KIF26B: variants seen among roughly 807,000 people sequenced by gnomAD.
KIF26B encodes kinesin-like protein KIF26B.
In KIF26B, 63 loss-of-function variants were observed where a neutral mutation model predicts 151.2. That is an observed-to-expected ratio of 0.42 (90% confidence interval 0.34 to 0.51). The LOEUF is 0.51. Among genes scored for constraint, KIF26B ranks in the 20% least tolerant of loss-of-function variants. KIF26B has a pLI of 0.07. For synonymous variants in KIF26B, 1,357 were observed against 1,262.1 expected (o/e 1.08, Z -1.59); for missense variants, 2,813 against 2,913.6 (o/e 0.97, Z 0.79).
chr1:245,341,898 C>T (rs1672341621), intron 2 of KIF26B, among the ~76,000 whole-genome samples: 1 of 152,214 alleles, frequency 6.6e-6, no homozygotes, highest in Non-Finnish European at 1.5e-5. Flanking sequence ...TCCCGTGGCA[C>T]CATCTACGCC....
At chr1:245,337,717 C>T (rs1340375148) in intron 2 of KIF26B, among the ~76,000 whole-genome samples, 2 of 152,034 alleles carry the variant, frequency 1.3e-5, no homozygotes, top group African/African-American at 4.8e-5. Context: ...CACACAAACA[C>T]ACACACAGAG....
At chr1:245,339,228 T>C (rs1672290982) in intron 2 of KIF26B, among the ~76,000 whole-genome samples, 1 of 152,204 alleles carries the variant, frequency 6.6e-6, no homozygotes, top group Non-Finnish European at 1.5e-5. Flanking sequence ...TCCACCTGCC[T>C]CAGCCTCCCA....
chr1:245,299,092 C>T lies in KIF26B; in HGVS notation c.466-67742C>T, dbSNP rs1203614619. On this transcript the variant is annotated intron_variant, in intron 2 of 14. Coordinates refer to ENST00000407071, the MANE Select transcript of KIF26B (RefSeq NM_018012.4). Reference sequence around the variant, plus strand: ...TACTAAACCTGTTTGTGTTCCTAACCCAGCTCGCTGCCTCCCGCCTGCCTT... The same window carrying T: ...TACTAAACCTGTTTGTGTTCCTAACTCAGCTCGCTGCCTCCCGCCTGCCTT... 2.0e-5 allele frequency among the ~76,000 whole-genome samples: 3 copies of T among 152,258 alleles called. No homozygotes were observed. The East Asian group carries it at 5.8e-4, about 29-fold the overall frequency.
intron 4 of KIF26B, among the ~76,000 whole-genome samples, chr1:245,487,951 G>C (rs1427699690): frequency 2.6e-5 from 4 of 152,030 alleles, no homozygotes; most frequent in African/African-American, 7.2e-5. Flanking sequence ...ACCATGCCCA[G>C]CTAATTTTGT....
chr1:245,619,073 A>G (rs1289617406), intron 9 of KIF26B, among the ~76,000 whole-genome samples: 3 of 136,712 alleles, frequency 2.2e-5, no homozygotes, highest in Non-Finnish European at 4.6e-5. Flanking sequence ...AAGCCCTATT[A>G]GACTATAGGT....
intron 2 of KIF26B, among the ~76,000 whole-genome samples, chr1:245,178,527 G>A (rs1049092234): frequency 6.6e-6 from 1 of 152,106 alleles, no homozygotes; most frequent in African/African-American, 2.4e-5. Flanking sequence ...ATGGTTCAGT[G>A]GCTTTAAGTA....
At chr1:245,526,172 C>T (rs1661232161) in intron 4 of KIF26B, among the ~76,000 whole-genome samples, 1 of 152,212 alleles carries the variant, frequency 6.6e-6, no homozygotes, top group Non-Finnish European at 1.5e-5. Flanking sequence ...TTCCTTGCTT[C>T]ACAGCTTTTT....
intron 14 of KIF26B, among the ~76,000 whole-genome samples, chr1:245,700,650 T>C (rs2044757950): frequency 6.6e-6 from 1 of 152,040 alleles, no homozygotes; most frequent in Admixed American, 6.5e-5. Flanking sequence ...AAAATAAAAA[T>C]AAAAAACAGG....
chr1:245,279,216 T>A (rs1168140157), intron 2 of KIF26B, among the ~76,000 whole-genome samples: 1 of 151,766 alleles, frequency 6.6e-6, no homozygotes, highest in Non-Finnish European at 1.5e-5. Flanking sequence ...AGGGAAGGGG[T>A]CTTCTTATCA....
At chr1:245,405,626 T>G (rs1674117756) in intron 3 of KIF26B, among the ~76,000 whole-genome samples, 2 of 149,370 alleles carry the variant, frequency 1.3e-5, no homozygotes, top group Admixed American at 6.7e-5. Context: ...TTGATGTTGT[T>G]TTTTTTTTTT....
rs2147963528 is a variant in KIF26B at position 245,693,400 on chromosome 1, C to T, written c.5824+4593C>T. 2.0e-5 allele frequency among the ~76,000 whole-genome samples: 3 copies of T among 152,326 alleles called. No homozygotes were observed. The Middle Eastern group carries it at 0.01, about 518-fold the overall frequency. On this transcript the variant is annotated intron_variant, in intron 12 of 14. Coordinates refer to ENST00000407071, the MANE Select transcript of KIF26B (RefSeq NM_018012.4). Reference sequence around the variant, plus strand: ...CCCAGCACTGGGCTGGTGCAGGTTACTGTTGGATATTATTGGTTGATTCAT... The same window carrying T: ...CCCAGCACTGGGCTGGTGCAGGTTATTGTTGGATATTATTGGTTGATTCAT...
intron 4 of KIF26B, among the ~76,000 whole-genome samples, chr1:245,478,378 C>T (rs945231222): frequency 2.0e-5 from 3 of 149,992 alleles, no homozygotes; most frequent in African/African-American, 7.3e-5. Flanking sequence ...CATTGCTTTT[C>T]TCCTGTGTGA....
intron 5 of KIF26B, among the ~76,000 whole-genome samples, chr1:245,600,699 G>C (rs373490355): frequency 3.9e-5 from 6 of 151,936 alleles, no homozygotes; most frequent in Non-Finnish European, 8.8e-5. Context: ...GAGGCTGGGC[G>C]TGGCACCCAT....
chr1:245,547,879 T>C (rs1661783856), intron 5 of KIF26B, among the ~76,000 whole-genome samples: 1 of 152,178 alleles, frequency 6.6e-6, no homozygotes. Context: ...TTTGGTCCTG[T>C]AGCCCAGAGT....
rs189405808 is a variant in KIF26B, at chr1:245,284,829, G to C, written c.466-82005G>C. 3.1e-4 allele frequency among the ~76,000 whole-genome samples: 47 copies of C among 152,120 alleles called. No individual in the cohort carries two copies. In the East Asian group the frequency reaches 9.1e-3, roughly 29 times the overall value. On this transcript the variant is annotated intron_variant, in intron 2 of 14. Coordinates refer to ENST00000407071, the MANE Select transcript of KIF26B (RefSeq NM_018012.4). ...TGAGGCGGGCGGATCACCTGAGGTTGGGAGTTCAAGACCAGCCTGACCAAT... is the reference window on the plus strand; with the variant it reads ...TGAGGCGGGCGGATCACCTGAGGTTCGGAGTTCAAGACCAGCCTGACCAAT...
chr1:245,341,793 G>C (rs7545110), intron 2 of KIF26B, among the ~76,000 whole-genome samples: 42,961 of 152,068 alleles, frequency 0.28, 10,069 homozygotes, highest in African/African-American at 0.63. Flanking sequence ...TCCTAAGCAG[G>C]CTGGTGGGCA....
chr1:245,484,808 C>T (rs566663275), intron 4 of KIF26B, among the ~76,000 whole-genome samples: 12 of 142,028 alleles, frequency 8.4e-5, no homozygotes, highest in Admixed American at 7.2e-4. Flanking sequence ...TTTAATTCTT[C>T]AAAGGAGAAG....
intron 2 of KIF26B, among the ~76,000 whole-genome samples, chr1:245,195,317 G>A (rs6671796): frequency 0.57 from 86,541 of 151,964 alleles, 25,147 homozygotes; most frequent in African/African-American, 0.66. Flanking sequence ...TTGGGGAGTC[G>A]TAGTCTTTCT....
At chr1:245,466,183 G>A (rs970896464) in intron 4 of KIF26B, among the ~76,000 whole-genome samples, 43 of 58,792 alleles carry the variant, frequency 7.3e-4, no homozygotes, top group African/African-American at 3.7e-3. Context: ...AGATCGATGG[G>A]AATGTTTGTT....
Sources: allele counts gnomAD v4.1 joint callset (sites outside exome capture counted in the v4.1 genomes callset), GRCh38; gene constraint gnomAD v4.1.1; transcripts MANE v1.5; gene names NCBI Gene and HGNC (gene_info 2026-07-23, HGNC 2026-07-21).